Variants in METTL15 observed in about 807,000 individuals in gnomAD.
The protein encoded by METTL15 is 12S rRNA N(4)-cytidine methyltransferase METTL15.
A neutral mutation model predicts 38.3 loss-of-function variants in METTL15; 34 were observed. That is an observed-to-expected ratio of 0.89 (90% CI 0.68 to 1.18). The LOEUF is 1.18. Among genes scored for constraint, METTL15 ranks in the 50% most tolerant of loss-of-function variants. The probability of loss-of-function intolerance (pLI) is 0.00; values close to 1 mark genes in which losing one functional copy is unlikely to be tolerated. For synonymous variants in METTL15, 162 were observed against 170.9 expected (o/e 0.95, Z 0.41); for missense variants, 438 against 498.4 (o/e 0.88, Z 1.15).
chr11:28,282,446 TA>T (rs1307729810), intron 4 of METTL15, among the ~76,000 whole-genome samples: 1 of 152,194 alleles, frequency 6.6e-6, no homozygotes, highest in Non-Finnish European at 1.5e-5. Flanking sequence ...CTCCTAAATA[TA>T]AAAAGAGTAT....
rs1443194147 is a variant in METTL15, at chr11:28,206,299, G to A, written c.271-4763G>A. ...TAATTTTTGTATAAGATGTAAGGAAGGGATCCAGTTTCAGCTTTCTGCATG... is the reference window on the plus strand; with the variant it reads ...TAATTTTTGTATAAGATGTAAGGAAAGGATCCAGTTTCAGCTTTCTGCATG... On this transcript the variant is annotated intron_variant, in intron 3 of 6. Coordinates refer to ENST00000407364, the MANE Select transcript of METTL15 (RefSeq NM_001113528.2). 8.5e-5 allele frequency among the ~76,000 whole-genome samples: 13 copies of A among 152,102 alleles called. No homozygotes were observed. In the East Asian group the frequency reaches 2.5e-3, roughly 29 times the overall value.
chr11:28,180,357 A>G (rs887113556), intron 3 of METTL15, among the ~76,000 whole-genome samples: 4 of 151,872 alleles, frequency 2.6e-5, no homozygotes, highest in Admixed American at 2.0e-4. Flanking sequence ...ATTAAAAATA[A>G]TCTGGCCAAT....
intron 3 of METTL15, among the ~76,000 whole-genome samples, chr11:28,209,117 T>C (rs573347945): frequency 9.9e-5 from 15 of 152,130 alleles, no homozygotes; most frequent in African/African-American, 3.6e-4. Flanking sequence ...TCATGTAAAT[T>C]ATAATCACTC....
intron 4 of METTL15, among the ~76,000 whole-genome samples, chr11:28,247,735 T>A (rs1334017196): frequency 2.0e-5 from 3 of 152,116 alleles, no homozygotes; most frequent in Non-Finnish European, 4.4e-5. Context: ...CATAATCAAC[T>A]TTTAGTGGTA....
At chr11:28,363,846 A>C (rs1041675173) in intron 5 of METTL15, among the ~76,000 whole-genome samples, 1 of 152,132 alleles carries the variant, frequency 6.6e-6, no homozygotes, top group Admixed American at 6.5e-5. Context: ...ATCCATTTTG[A>C]GTTAATTTTC....
At chr11:28,463,394 C>G (rs1181807921) in intron 6 of METTL15, among the ~76,000 whole-genome samples, 1 of 152,094 alleles carries the variant, frequency 6.6e-6, no homozygotes, top group Non-Finnish European at 1.5e-5. Flanking sequence ...CAAGATCTCT[C>G]AGGGACAAAT....
intron 5 of METTL15, among the ~76,000 whole-genome samples, chr11:28,382,443 T>C (rs1850397867): frequency 6.6e-6 from 1 of 152,172 alleles, no homozygotes; most frequent in African/African-American, 2.4e-5. Flanking sequence ...ATGGTTGTCT[T>C]CCATGTTCTC....
At chr11:28,208,923 C>T (rs1277583095) in intron 3 of METTL15, among the ~76,000 whole-genome samples, 2 of 151,896 alleles carry the variant, frequency 1.3e-5, no homozygotes, top group African/African-American at 2.4e-5. Context: ...TTGATGGCTC[C>T]AATCACGTAT....
At chr11:28,159,877 G>C (rs1850393817) in intron 3 of METTL15, among the ~76,000 whole-genome samples, 1 of 152,134 alleles carries the variant, frequency 6.6e-6, no homozygotes, top group African/African-American at 2.4e-5. Flanking sequence ...AGTTGACAAG[G>C]GGTGGACTTA....
chr11:28,173,877 GTTAAC>G (rs1002956255), intron 3 of METTL15, among the ~76,000 whole-genome samples: 13 of 152,112 alleles, frequency 8.5e-5, no homozygotes, highest in South Asian at 2.1e-4. Flanking sequence ...TTTTCTCATG[GTTAAC>G]TTAAGTTATG....
intron 4 of METTL15, among the ~76,000 whole-genome samples, chr11:28,254,980 T>A (rs1423501623): frequency 6.6e-6 from 1 of 152,130 alleles, no homozygotes; most frequent in Non-Finnish European, 1.5e-5. Flanking sequence ...ATCTTAGGAT[T>A]GTTTTTTTCT....
At chr11:28,509,716 GTTC>G in intron 6 of METTL15, among the ~76,000 whole-genome samples, 1 of 152,148 alleles carries the variant, frequency 6.6e-6, no homozygotes, top group East Asian at 1.9e-4. Flanking sequence ...TCTCCTAAGA[GTTC>G]TTCTGTATTT....
intron 6 of METTL15, among the ~76,000 whole-genome samples, chr11:28,472,588 G>C (rs147369474): frequency 1.5e-3 from 227 of 152,178 alleles, no homozygotes; most frequent in African/African-American, 4.7e-3. Context: ...TATGTGGATT[G>C]GACTTTATAT....
At chr11:28,123,950 T>G in intron 3 of METTL15, 5 of 1,135,400 alleles carry the variant, frequency 4.4e-6, no homozygotes, top group Non-Finnish European at 6.0e-6. Flanking sequence ...AGAAGATTAT[T>G]AATAATAACA....
chr11:28,189,689 A>G (rs1006824811), intron 3 of METTL15, among the ~76,000 whole-genome samples: 1 of 151,272 alleles, frequency 6.6e-6, no homozygotes, highest in Non-Finnish European at 1.5e-5. Context: ...GTAAGCTTTC[A>G]TGAGTGAATC....
intron 6 of METTL15, among the ~76,000 whole-genome samples, chr11:28,304,257 G>A (rs1002204241): frequency 4.6e-5 from 7 of 152,114 alleles, no homozygotes; most frequent in Non-Finnish European, 1.0e-4. Context: ...TATGTGACTT[G>A]TAGGAAGGAG....
intron 6 of METTL15, among the ~76,000 whole-genome samples, chr11:28,462,479 TACACACACACACACACACACACAC>T (rs10573384): frequency 2.1e-5 from 3 of 146,326 alleles, no homozygotes; most frequent in East Asian, 2.1e-4. Context: ...CATACACGCT[TACACACACACACACACACACACAC>T]ACACACACAC....
At chr11:28,427,572 A>G (rs1850876604) in intron 6 of METTL15, among the ~76,000 whole-genome samples, 1 of 152,178 alleles carries the variant, frequency 6.6e-6, no homozygotes, top group Non-Finnish European at 1.5e-5. Flanking sequence ...TGAGCATGGA[A>G]TGTTTTTCCA....
At chr11:28,378,198 C>T (rs1257437153) in intron 5 of METTL15, among the ~76,000 whole-genome samples, 1 of 152,202 alleles carries the variant, frequency 6.6e-6, no homozygotes, top group Non-Finnish European at 1.5e-5. Context: ...TTCGAGCTTC[C>T]TGGCTCCTTT....
Sources: gnomAD v4.1 joint callset for allele counts (sites outside exome capture counted in the v4.1 genomes callset) on GRCh38, gnomAD v4.1.1 for gene constraint, MANE v1.5 for transcripts, NCBI Gene and HGNC (gene_info 2026-07-23, HGNC 2026-07-21) for gene names.